CHSY1: variants seen among roughly 807,000 people sequenced by gnomAD.
CHSY1 encodes the protein chondroitin sulfate synthase 1.
In CHSY1, 13 loss-of-function variants were observed where a neutral mutation model predicts 59.8. That is an observed-to-expected ratio of 0.22 (90% confidence interval 0.14 to 0.35). CHSY1 has a LOEUF of 0.35. Ranked by LOEUF, CHSY1 falls within the 10% of genes least tolerant of loss-of-function variation. CHSY1 has a pLI of 1.00. For missense variants in CHSY1, 947 were observed against 1,030.6 expected (o/e 0.92, Z 1.11); for synonymous variants, 459 against 401.2 (o/e 1.14, Z -1.72).
chr15:101,211,438 G>T (rs191618027), intron 2 of CHSY1, among the ~76,000 whole-genome samples: 1 of 152,218 alleles, frequency 6.6e-6, no homozygotes, highest in East Asian at 1.9e-4. Flanking sequence ...GAGTGAAAAA[G>T]AATACTGAAA....
intron 2 of CHSY1, among the ~76,000 whole-genome samples, chr15:101,216,326 A>G (rs183661221): frequency 1.7e-4 from 26 of 152,358 alleles, no homozygotes; most frequent in African/African-American, 6.3e-4. Flanking sequence ...ACTCTGGAAG[A>G]AAGTTTGGCA....
chr15:101,222,535 A>G (rs1191049818), intron 2 of CHSY1, among the ~76,000 whole-genome samples: 1 of 152,168 alleles, frequency 6.6e-6, no homozygotes, highest in East Asian at 1.9e-4. Context: ...TTTCCCACTA[A>G]TGTCCTTTTT....
intron 2 of CHSY1, among the ~76,000 whole-genome samples, chr15:101,222,170 T>G (rs1334681870): frequency 6.6e-6 from 1 of 152,206 alleles, no homozygotes; most frequent in Admixed American, 6.5e-5. Flanking sequence ...TTCTTAGAAG[T>G]CAATAAGCTA....
intron 1 of CHSY1, among the ~76,000 whole-genome samples, chr15:101,238,415 T>C (rs2038968615): frequency 1.3e-5 from 2 of 152,236 alleles, no homozygotes; most frequent in African/African-American, 4.8e-5. Flanking sequence ...TGTATCTCTT[T>C]CAAGTAGAGG....
At chr15:101,225,338 G>A (rs930841039) in intron 2 of CHSY1, among the ~76,000 whole-genome samples, 2 of 152,124 alleles carry the variant, frequency 1.3e-5, no homozygotes, top group African/African-American at 2.4e-5. Flanking sequence ...GATTACAGGC[G>A]TGAGCCACTG....
chr15:101,183,201 C>T (rs1224404933), intron 2 of CHSY1, among the ~76,000 whole-genome samples: 2 of 151,690 alleles, frequency 1.3e-5, no homozygotes, highest in Non-Finnish European at 2.9e-5. Context: ...ACAAAAAGCA[C>T]ACAGGAGGGA....
At chr15:101,239,658 G>A (rs11858464) in intron 1 of CHSY1, among the ~76,000 whole-genome samples, 49,129 of 152,172 alleles carry the variant, frequency 0.32, 11,290 homozygotes, top group African/African-American at 0.66. Flanking sequence ...TGGGCTCCAC[G>A]TGGACTAGTC....
chr15:101,237,330 G>A (rs1434735545), intron 1 of CHSY1, among the ~76,000 whole-genome samples: 1 of 151,920 alleles, frequency 6.6e-6, no homozygotes, highest in Non-Finnish European at 1.5e-5. Context: ...AGCCTCTAGA[G>A]GGAATGCGGC....
At chr15:101,206,247 C>A (rs1030014598) in intron 2 of CHSY1, among the ~76,000 whole-genome samples, 2 of 152,160 alleles carry the variant, frequency 1.3e-5, no homozygotes, top group Non-Finnish European at 2.9e-5. Flanking sequence ...GTGCCTCGTG[C>A]GCCACGGAGT....
chr15:101,247,714 G>A (rs952396808), intron 1 of CHSY1, among the ~76,000 whole-genome samples: 1 of 151,990 alleles, frequency 6.6e-6, no homozygotes, highest in Admixed American at 6.6e-5. Flanking sequence ...TCTGTTTCTT[G>A]TCTGCTATCA....
At chr15:101,237,712 G>C (rs1158578541) in intron 1 of CHSY1, among the ~76,000 whole-genome samples, 1 of 152,166 alleles carries the variant, frequency 6.6e-6, no homozygotes. Context: ...CTATCATATC[G>C]CACTTTCCCT....
At chr15:101,206,975 G>A (rs1000902077) in intron 2 of CHSY1, among the ~76,000 whole-genome samples, 1 of 152,100 alleles carries the variant, frequency 6.6e-6, no homozygotes, top group African/African-American at 2.4e-5. Context: ...ATTTCCACTG[G>A]CTATCCAGTA....
intron 1 of CHSY1, among the ~76,000 whole-genome samples, chr15:101,239,944 G>A (rs777285151): frequency 1.3e-5 from 2 of 152,168 alleles, no homozygotes; most frequent in African/African-American, 4.8e-5. Context: ...CAGCACAGAC[G>A]CAATTAATGT....
chr15:101,246,133 C>T (rs760535952), intron 1 of CHSY1, among the ~76,000 whole-genome samples: 1 of 152,124 alleles, frequency 6.6e-6, no homozygotes, highest in East Asian at 1.9e-4. Context: ...AACTTTCTTC[C>T]CACAGTCCCC....
chr15:101,250,794 T>C (rs577263708), intron 1 of CHSY1, among the ~76,000 whole-genome samples: 4 of 152,314 alleles, frequency 2.6e-5, no homozygotes, highest in Admixed American at 2.6e-4. Flanking sequence ...TACTGTGCTA[T>C]GAGTTTTCCA....
chr15:101,222,619 C>T (rs941090526), intron 2 of CHSY1, among the ~76,000 whole-genome samples: 1 of 152,192 alleles, frequency 6.6e-6, no homozygotes, highest in African/African-American at 2.4e-5. Context: ...GACAGTTTCC[C>T]GGTCTTTCCT....
chr15:101,230,618 T>TGGATG (rs2038884135), intron 2 of CHSY1, among the ~76,000 whole-genome samples: 1 of 152,244 alleles, frequency 6.6e-6, no homozygotes, highest in African/African-American at 2.4e-5. Flanking sequence ...TTCTGGTATA[T>TGGATG]GGATGTTCAA....
In CHSY1 at chr15:101,251,250, C is replaced by T; in HGVS notation, c.207G>A (p.Gln69=). The change falls in exon 1 of 3, where the codon CAG becomes CAA. Residue 69 remains glutamine, a synonymous_variant. Coordinates refer to ENST00000254190, the MANE Select transcript of CHSY1 (RefSeq NM_014918.5). ...GGARGDARGA[Q]LWPPGSDPDG... is the part of the protein sequence containing the mutation. Reference sequence around the variant, plus strand: ...CTGGGTCCGAGCCGGGCGGCCAGAGCTGCGCCCCGCGCGCATCGCCGCGCG... The same window carrying T: ...CTGGGTCCGAGCCGGGCGGCCAGAGTTGCGCCCCGCGCGCATCGCCGCGCG... 1 of 1,443,956 alleles carries T rather than the reference C, an allele frequency of 6.9e-7. No individual in the cohort carries two copies. The highest frequency in any genetic ancestry group is 1.5e-5 in the African/African-American group (1 of 68,158). 89.4% of individuals were successfully genotyped at this position (1,443,956 alleles called of 1,614,324 possible).
In CHSY1 at chr15:101,198,063, T is replaced by C. The variant is rs140076563; in HGVS notation, c.817-19083A>G. 1.2e-3 allele frequency among the ~76,000 whole-genome samples: 178 copies of C among 152,248 alleles called. 2 individuals are homozygous for C. The East Asian group carries it at 0.028, about 24-fold the overall frequency. On this transcript the variant is annotated intron_variant, in intron 2 of 2. Transcript: ENST00000254190. The stretch of plus-strand genomic sequence containing the variant: ...TCCCCTGTGGTGACAGACTGTGGTC[T>C]GACTCCGGCTATCGGGCCTTCTGTC...
Sources: allele counts gnomAD v4.1 joint callset (sites outside exome capture counted in the v4.1 genomes callset), GRCh38; gene constraint gnomAD v4.1.1; transcripts MANE v1.5; gene names NCBI Gene and HGNC (gene_info 2026-07-23, HGNC 2026-07-21).